Variants in CDH23 observed in about 807,000 individuals in gnomAD.
CDH23 encodes cadherin-23.
In CDH23, 189 loss-of-function variants were observed where a neutral mutation model predicts 317.1. The ratio of observed to expected loss-of-function variants is 0.60; its 90% CI spans 0.53 to 0.67. The LOEUF (loss-of-function observed/expected upper bound fraction) is 0.67, where lower values mean the gene tolerates loss of function less well. Ranked by LOEUF, CDH23 falls within the 30% of genes least tolerant of loss-of-function variation. The probability of loss-of-function intolerance (pLI) is 0.00; values close to 1 mark genes in which losing one functional copy is unlikely to be tolerated. For synonymous variants in CDH23, 1,839 were observed against 1,876.8 expected (o/e 0.98, Z 0.52); for missense variants, 4,401 against 4,592.4 (o/e 0.96, Z 1.20).
Position 71,779,324 on chromosome 10 carries a change from G to A in CDH23, c.5245G>A (p.Glu1749Lys). Residue 1749 changes from glutamate (E) to lysine (K), a missense_variant, in exon 41 of 70, where the codon GAG (glutamate) becomes AAG (lysine). By Grantham distance (56) the Glu-to-Lys change is moderately conservative. Around this residue, in one of 3 missense-constraint regions of CDH23, gnomAD observed 3,068 missense variants for 3,203.3 expected, o/e 0.96. Transcript: ENST00000224721. ...DNVPTFPRDY[E>K]GPFEVTEGQP... is the part of the protein sequence containing the mutation. ...TGTGCCTACCTTCCCCCGGGACTATGAGGGACCATTTGAAGTCACTGAGGG... is the reference window on the plus strand; with the variant it reads ...TGTGCCTACCTTCCCCCGGGACTATAAGGGACCATTTGAAGTCACTGAGGG... The A allele has an allele frequency of 5.0e-6, 8 of 1,614,050 alleles. No individual in the cohort carries two copies. Among genetic ancestry groups the A allele is most frequent in the Non-Finnish European group, 6.8e-6 (8 of 1,179,902 alleles).
chr10:71,423,762 GGTGGTGTTCCTGCCTCCAAGGCCA>G (rs1420534632), intron 1 of CDH23, among the ~76,000 whole-genome samples: 3 of 152,210 alleles, frequency 2.0e-5, no homozygotes, highest in Admixed American at 6.5e-5. Context: ...TGGAAAATGA[GGTGGTGTTCCTGCCTCCAAGGCCA>G]GTGAAGGCCA....
chr10:71,726,631 T>C (rs1369833649), intron 30 of CDH23, among the ~76,000 whole-genome samples: 1 of 152,246 alleles, frequency 6.6e-6, no homozygotes, highest in Non-Finnish European at 1.5e-5. Flanking sequence ...TCAGACACAG[T>C]AACCTGGACA....
Position 71,722,748 on chromosome 10 carries a change from A to G in CDH23, c.3370-1297A>G, listed in dbSNP as rs562027408. 2.2e-3 allele frequency among the ~76,000 whole-genome samples: 336 copies of G among 152,312 alleles called. 1 individual carries two copies. Among genetic ancestry groups the G allele is most frequent in the Non-Finnish European group, 3.2e-3 (219 of 68,030 alleles). On this transcript the variant is annotated intron_variant, in intron 28 of 69. Coordinates refer to ENST00000224721, the MANE Select transcript of CDH23 (RefSeq NM_022124.6). ...ACCTGAAGGAGATGAGGGCATGAACATGCAAATATCTGGAGGGAGAGCTTG... is the reference window on the plus strand; with the variant it reads ...ACCTGAAGGAGATGAGGGCATGAACGTGCAAATATCTGGAGGGAGAGCTTG...
chr10:71,624,633 G>A (rs59557452), intron 11 of CDH23, among the ~76,000 whole-genome samples: 6,544 of 152,244 alleles, frequency 0.043, 166 homozygotes, highest in South Asian at 0.086. Flanking sequence ...CCAGGAGGTT[G>A]AGGCTGCAAT....
At chr10:71,523,581 G>A (rs1465081532) in intron 6 of CDH23, among the ~76,000 whole-genome samples, 2 of 152,172 alleles carry the variant, frequency 1.3e-5, no homozygotes, top group Non-Finnish European at 2.9e-5. Flanking sequence ...GGCACGGGTC[G>A]GAGCCAGCAG....
chr10:71,750,922 A>T, intron 38 of CDH23: 1 of 264,872 alleles, frequency 3.8e-6, no homozygotes, highest in Non-Finnish European at 7.2e-6. Flanking sequence ...CCCAAGGCTC[A>T]TGTCTCAGAA....
intron 11 of CDH23, among the ~76,000 whole-genome samples, chr10:71,627,595 G>A (rs1254126720): frequency 1.3e-5 from 2 of 152,146 alleles, no homozygotes; most frequent in African/African-American, 4.8e-5. Flanking sequence ...GGGCCTGTGT[G>A]GCAGCCGCGG....
intron 17 of CDH23, among the ~76,000 whole-genome samples, chr10:71,681,231 A>G (rs10999948): frequency 0.23 from 35,391 of 152,036 alleles, 4,444 homozygotes; most frequent in African/African-American, 0.3. Flanking sequence ...TTACTAAAGC[A>G]ATAATCTTGT....
At chr10:71,772,641 C>T (rs1002083926) in intron 38 of CDH23, among the ~76,000 whole-genome samples, 5 of 152,212 alleles carry the variant, frequency 3.3e-5, no homozygotes, top group African/African-American at 1.2e-4. Flanking sequence ...CAGAGAGATG[C>T]CGTAATTTAT....
At chr10:71,794,750 C>T (rs528665510) in intron 48 of CDH23, 2 of 152,308 alleles carry the variant, frequency 1.3e-5, no homozygotes, top group Admixed American at 6.5e-5. Context: ...TGACTGATTC[C>T]ACTGTCTGGA....
intron 21 of CDH23, 141 bp from the exon 22 acceptor site, chr10:71,695,277 C>G: frequency 1.5e-6 from 1 of 682,336 alleles, no homozygotes; most frequent in Non-Finnish European, 2.7e-6. Flanking sequence ...CCAGGCTCTG[C>G]CCAAGGCTCC....
intron 34 of CDH23, among the ~76,000 whole-genome samples, chr10:71,736,799 G>A (rs1190811205): frequency 6.6e-6 from 1 of 152,198 alleles, no homozygotes; most frequent in Non-Finnish European, 1.5e-5. Flanking sequence ...CTAAGTGTAC[G>A]ATACAGTGAG....
chr10:71,687,102 G>A (rs1864935757), intron 18 of CDH23, among the ~76,000 whole-genome samples: 1 of 152,228 alleles, frequency 6.6e-6, no homozygotes. Flanking sequence ...TTGTTCTCAT[G>A]TGCAAGGAGG....
At chr10:71,430,769 G>A (rs538799841) in intron 1 of CDH23, among the ~76,000 whole-genome samples, 14 of 152,186 alleles carry the variant, frequency 9.2e-5, no homozygotes, top group Non-Finnish European at 1.8e-4. Flanking sequence ...GCAGTGAGCC[G>A]AGATCGCGCC....
intron 3 of CDH23, among the ~76,000 whole-genome samples, chr10:71,509,696 G>T (rs375018118): frequency 1.3e-5 from 2 of 152,192 alleles, no homozygotes; most frequent in African/African-American, 2.4e-5. Flanking sequence ...ATTGGCTAGC[G>T]CTGACTTATA....
At position 71,571,936 on chromosome 10, in the gene CDH23, G is replaced by A. The variant is rs570039568; in HGVS notation, c.753+1018G>A. ...GCTTCCCTTGACTGGGGTGCAGGCTGTGCTCCTGGGCCTGACCCCTCATTT... is the reference window on the plus strand; with the variant it reads ...GCTTCCCTTGACTGGGGTGCAGGCTATGCTCCTGGGCCTGACCCCTCATTT... On this transcript the variant is annotated intron_variant, in intron 8 of 69. Coordinates refer to ENST00000224721, the MANE Select transcript of CDH23 (RefSeq NM_022124.6). Among the ~76,000 whole-genome samples the A allele has an allele frequency of 9.1e-4, 138 of 152,370 alleles. 1 individual carries two copies. Among genetic ancestry groups the A allele is most frequent in the African/African-American group, 3.2e-3 (132 of 41,598 alleles).
chr10:71,730,813 AACC>A (rs1044744766), intron 31 of CDH23, among the ~76,000 whole-genome samples: 5 of 152,240 alleles, frequency 3.3e-5, no homozygotes, highest in Non-Finnish European at 7.3e-5. Flanking sequence ...GAGTTGTCCC[AACC>A]ACTGGGTGGA....
chr10:71,699,888 A>G (rs1865520950), intron 22 of CDH23, among the ~76,000 whole-genome samples: 1 of 152,110 alleles, frequency 6.6e-6, no homozygotes, highest in Admixed American at 6.5e-5. Context: ...ACCATTGCCC[A>G]TGCCCTGACC....
intron 14 of CDH23, among the ~76,000 whole-genome samples, chr10:71,669,005 G>A (rs577386496): frequency 4.6e-5 from 7 of 152,300 alleles, no homozygotes; most frequent in East Asian, 3.9e-4. Flanking sequence ...CAGAAGGAAC[G>A]CCTTATAAAT....
Sources: allele counts gnomAD v4.1 joint callset (sites outside exome capture counted in the v4.1 genomes callset), GRCh38; gene constraint gnomAD v4.1.1; regional missense constraint gnomAD v4.1.1; transcripts MANE v1.5; gene names NCBI Gene and HGNC (gene_info 2026-07-23, HGNC 2026-07-21).